Variants in MSH5 observed in about 807,000 individuals in gnomAD.
The protein encoded by MSH5 is mutS protein homolog 5.
MSH5 carries 78 observed loss-of-function variants against 107.7 expected under a neutral mutation model. The observed-to-expected ratio is 0.72, with a 90% CI of 0.60 to 0.87. MSH5 has a LOEUF of 0.87. Among genes scored for constraint, MSH5 ranks in the 40% least tolerant of loss-of-function variants. The pLI, the probability that MSH5 is intolerant of heterozygous loss-of-function variation, is 0.00. For missense variants in MSH5, 889 were observed against 1,046.6 expected (o/e 0.85, Z 2.08); for synonymous variants, 326 against 399.5 (o/e 0.82, Z 2.19).
intron 5 of MSH5, 56 bp from the exon 6 acceptor site, chr6:31,743,848 T>C: frequency 6.3e-7 from 1 of 1,592,684 alleles, no homozygotes; most frequent in Non-Finnish European, 8.5e-7. Flanking sequence ...ATTCTTAAAA[T>C]GGGGTGAAAA....
At position 31,758,558 on chromosome 6, in the gene MSH5, A is replaced by G. The variant is rs748346009; in HGVS notation, c.1154A>G (p.Glu385Gly). 1 of 1,613,368 alleles carries G rather than the reference A, an allele frequency of 6.2e-7. No homozygotes were observed. Among genetic ancestry groups the G allele is most frequent in the African/African-American group, 1.3e-5 (1 of 74,912 alleles). ...TACTTATCTCCTCAGGTGGACTTTGAGGGCAGCCTTGCTGAAAATCGCTTC... is the reference window on the plus strand; with the variant it reads ...TACTTATCTCCTCAGGTGGACTTTGGGGGCAGCCTTGCTGAAAATCGCTTC... ...ASLIGKVVDF[E>G]GSLAENRFTV... The change falls in exon 14 of 25, where the codon GAG becomes GGG. Residue 385 changes from glutamate to glycine, a missense_variant. Transcript: ENST00000375750. The surrounding 1 kb of genome is among the most constrained non-coding windows in gnomAD (Gnocchi z 5.1).
intron 10 of MSH5, among the ~76,000 whole-genome samples, chr6:31,750,158 TGAA>T: frequency 6.6e-6 from 1 of 152,312 alleles, no homozygotes; most frequent in Middle Eastern, 3.4e-3. Flanking sequence ...TCATATAACT[TGAA>T]GAATCATCAT....
chr6:31,755,101 C>T (rs975114352), intron 12 of MSH5, among the ~76,000 whole-genome samples: 8 of 152,020 alleles, frequency 5.3e-5, no homozygotes, highest in Non-Finnish European at 1.2e-4. Context: ...AAAAGAATAA[C>T]AGTATTGTTA....
Position 31,741,336 on chromosome 6 carries a change from T to TACACAC in MSH5, c.271+92_271+97dup, listed in dbSNP as rs9279401. On this transcript the variant is annotated intron_variant, in intron 3 of 24. Transcript: ENST00000375750. ...CTGCTCTCTGGGATTGCAGATGTGTTACACACACACACACACACACACACA... is the reference window on the plus strand; with the variant it reads ...CTGCTCTCTGGGATTGCAGATGTGTTACACACACACACACACACACACACACACACA... 1,193 of 897,264 alleles carry TACACAC rather than the reference T, an allele frequency of 1.3e-3. 11 individuals carry two copies. Among genetic ancestry groups the TACACAC allele is most frequent in the East Asian group, 9.7e-3 (283 of 29,056 alleles). The allele number at this position is 897,264 out of a possible 1,614,324, so 55.6% of individuals were successfully genotyped here.
In MSH5 at chr6:31,758,198, T is replaced by G; in HGVS notation, c.1048T>G (p.Cys350Gly). The G allele has an allele frequency of 6.2e-7, 1 of 1,613,036 alleles. No homozygotes were observed. ...CAGTGCCCTGGGCCTGAGGGATGCCTGCCGCTCCCTGCCGCAGTCCATCCA... is the reference window on the plus strand; with the variant it reads ...CAGTGCCCTGGGCCTGAGGGATGCCGGCCGCTCCCTGCCGCAGTCCATCCA... ...VYSALGLRDA[C>G]RSLPQSIQLF... Residue 350 changes from cysteine to glycine, a missense_variant, in exon 13 of 25, where the codon TGC becomes GGC. This residue lies in a region of MSH5 where 518 missense variants were observed against 565.0 expected (regional missense o/e 0.92). Coordinates refer to ENST00000375750, the MANE Select transcript of MSH5 (RefSeq NM_172166.4). The surrounding 1 kb of genome is among the most constrained non-coding windows in gnomAD (Gnocchi z 5.1).
chr6:31,752,061 T>C (rs963174725), intron 10 of MSH5, among the ~76,000 whole-genome samples: 1 of 152,140 alleles, frequency 6.6e-6, no homozygotes, highest in Non-Finnish European at 1.5e-5. Context: ...ATCCCGCCAC[T>C]GTACCCTAGC....
chr6:31,741,723 T>A (rs1448270170), intron 3 of MSH5, among the ~76,000 whole-genome samples: 2 of 151,984 alleles, frequency 1.3e-5, no homozygotes, highest in Non-Finnish European at 1.5e-5. Flanking sequence ...CTAGCATATT[T>A]TGTGTTGCTG....
chr6:31,754,753 C>CTTTTTTTTTT (rs71552080), intron 12 of MSH5, among the ~76,000 whole-genome samples: 1 of 135,366 alleles, frequency 7.4e-6, no homozygotes, highest in Non-Finnish European at 1.6e-5. Context: ...TTTCTTTTTT[C>CTTTTTTTTTT]TTTTTTTTTT....
At position 31,762,341 on chromosome 6, in the gene MSH5, G is replaced by A. The variant is rs986885504; in HGVS notation, c.2394-79G>A. 3 of 1,358,062 alleles carry A rather than the reference G, an allele frequency of 2.2e-6. No individual in the cohort carries two copies. The African/African-American group carries it at 4.3e-5, about 20-fold the overall frequency. The allele number at this position is 1,358,062 out of a possible 1,614,324, so 84.1% of individuals were successfully genotyped here. A position where few individuals can be genotyped will look rare whatever the true frequency, so the allele number is the denominator to read the frequency against. On this transcript the variant is annotated intron_variant, in intron 24 of 24. Coordinates refer to ENST00000375750, the MANE Select transcript of MSH5 (RefSeq NM_172166.4). ...AAATCTTCAAGATCCCAGGTTTTCT[G>A]TGCCACAGCCTCTCCCCTCTGCCCA...
At chr6:31,744,968 G>C (rs1809281717) in intron 8 of MSH5, among the ~76,000 whole-genome samples, 1 of 151,882 alleles carries the variant, frequency 6.6e-6, no homozygotes, top group South Asian at 2.1e-4. Flanking sequence ...AAATTAGCTG[G>C]GTGTGTTGTG....
Position 31,761,681 on chromosome 6 carries a change from C to A in MSH5, c.2181+66C>A. The A allele has an allele frequency of 6.2e-7, 1 of 1,613,096 alleles. No homozygotes were observed. The highest frequency in any genetic ancestry group is 8.5e-7 in the Non-Finnish European group (1 of 1,179,676). ...GGCATTTCCCAGAGGTGGGGATTGG[C>A]TCCTCTATCAGAACAAGGGCTCCCT... On this transcript the variant is annotated intron_variant, in intron 22 of 24. Transcript: ENST00000375750. This position sits in a 1 kb window ranked among gnomAD's most constrained non-coding sequence, Gnocchi z 5.3.
chr6:31,745,274 G>C lies in MSH5; in HGVS notation c.721G>C (p.Val241Leu). ...TTTTAAGAGTGAGTCTCACCCCTCAGTGTACAAAGTGGCCAGTGGACTGAA... is the reference window on the plus strand; with the variant it reads ...TTTTAAGAGTGAGTCTCACCCCTCACTGTACAAAGTGGCCAGTGGACTGAA... ...QIFKSESHPS[V>L]YKVASGLKEG... The change falls in exon 9 of 25, where the codon GTG becomes CTG. Residue 241 changes from valine to leucine, a missense_variant. Physicochemically the swap from Val to Leu is conservative, Grantham distance 32. Transcript: ENST00000375750. 2 of 1,613,734 alleles carry C rather than the reference G, an allele frequency of 1.2e-6. No homozygotes were observed. The highest frequency in any genetic ancestry group is 1.7e-6 in the Non-Finnish European group (2 of 1,179,756).
At position 31,740,496 on chromosome 6, in the gene MSH5, G is replaced by A. The variant is rs1226864690; in HGVS notation, c.30G>A (p.Arg10=). 6.4e-7 allele frequency: 1 copy of A among 1,568,844 alleles called. No homozygotes were observed. The highest frequency in any genetic ancestry group is 8.6e-7 in the Non-Finnish European group (1 of 1,156,548). ...CCTCCTTAGGAGCGAACCCAAGGAG[G>A]ACACCGCAGGGACCGAGACCTGGGG... The part of the protein sequence containing the change: MASLGANPR[R]TPQGPRPGAA... The change falls in exon 2 of 25, where the codon AGG becomes AGA. Residue 10 remains arginine, a synonymous_variant. Transcript: ENST00000375750. This position sits in a 1 kb window ranked among gnomAD's most constrained non-coding sequence, Gnocchi z 4.4.
intron 10 of MSH5, among the ~76,000 whole-genome samples, chr6:31,749,447 CAGG>C (rs1282969537): frequency 6.6e-6 from 1 of 151,786 alleles, no homozygotes; most frequent in African/African-American, 2.4e-5. Context: ...GAGGCTGAGG[CAGG>C]AGAATTGCTT....
In MSH5 at chr6:31,761,944, C is replaced by T. The variant is rs1811050422; in HGVS notation, c.2308C>T (p.Arg770Cys). The change falls in exon 23 of 25, where the codon CGT becomes TGT. Residue 770 changes from arginine to cysteine, a missense_variant. Arg to Cys is a radical substitution (Grantham distance 180, BLOSUM62 -3). Around this residue, in one of 3 missense-constraint regions of MSH5, gnomAD observed 362 missense variants for 456.2 expected, o/e 0.79. Transcript: ENST00000375750. The surrounding 1 kb of genome is among the most constrained non-coding windows in gnomAD (Gnocchi z 5.3). ...TGGGCTTCCTGACAAGCTTGTGGCT[C>T]GTGGCAAGGAGGTGATGAGATCCAA... ...QAGLPDKLVA[R>C]GKEVSDLIRS... The T allele has an allele frequency of 4.3e-6, 7 of 1,613,590 alleles. No homozygotes were observed. Among genetic ancestry groups the T allele is most frequent in the Admixed American group, 1.7e-5 (1 of 59,998 alleles).
rs189549193 is a variant in MSH5 at position 31,743,313 on chromosome 6, C to T, written c.415+143C>T. 2.3e-4 allele frequency: 187 copies of T among 816,246 alleles called. No individual in the cohort carries two copies. In the East Asian group the frequency reaches 4.7e-3, roughly 21 times the overall value. 50.6% of individuals were successfully genotyped at this position (816,246 alleles called of 1,614,324 possible). Reference sequence around the variant, plus strand: ...CTCCTCATGCCCTATGACCTGTCCCCCCAAGATCTCTCCTGCTCCCTACCC... The same window carrying T: ...CTCCTCATGCCCTATGACCTGTCCCTCCAAGATCTCTCCTGCTCCCTACCC... On this transcript the variant is annotated intron_variant, in intron 5 of 24. Coordinates refer to ENST00000375750, the MANE Select transcript of MSH5 (RefSeq NM_172166.4).
rs1276883225 is a variant in MSH5, at chr6:31,758,891, T to C, written c.1326+16T>C. 18 of 1,597,152 alleles carry C rather than the reference T, an allele frequency of 1.1e-5. No homozygotes were observed. Among genetic ancestry groups the C allele is most frequent in the Admixed American group, 5.0e-5 (3 of 59,926 alleles). ...CATCCCTCTGGTGAGGGCAGGAGAG[T>C]GGGTGTAGCCTTCAGATGTCTTTTG... On this transcript the variant is annotated intron_variant, in intron 15 of 24. Transcript: ENST00000375750. This position sits in a 1 kb window ranked among gnomAD's most constrained non-coding sequence, Gnocchi z 5.1.
chr6:31,759,625 C>T lies in MSH5; in HGVS notation c.1495+113C>T. On this transcript the variant is annotated intron_variant, in intron 17 of 24. Coordinates refer to ENST00000375750, the MANE Select transcript of MSH5 (RefSeq NM_172166.4). The surrounding 1 kb of genome is among the most constrained non-coding windows in gnomAD (Gnocchi z 4.7). ...TGCTTCCAACAGGCCCCTCCTCTTC[C>T]TGCTCTCTGTCTCGCTCACTCTGAC... 1.5e-6 allele frequency: 2 copies of T among 1,356,924 alleles called. No homozygotes were observed. Among genetic ancestry groups the T allele is most frequent in the Admixed American group, 3.8e-5 (2 of 53,204 alleles). 84.1% of individuals were successfully genotyped at this position (1,356,924 alleles called of 1,614,324 possible).
In MSH5 at chr6:31,742,810, C is replaced by T; in HGVS notation, c.272-67C>T. 2.7e-6 allele frequency: 4 copies of T among 1,476,414 alleles called. No individual in the cohort carries two copies. In the South Asian group the frequency reaches 4.5e-5, roughly 17 times the overall value. The allele number at this position is 1,476,414 out of a possible 1,614,324, so 91.5% of individuals were successfully genotyped here. ...AAGGAGAGGGGTAGGAAGAGGAGGG[C>T]TATGGGTTTTCTCTTAGTCAAAGAC... On this transcript the variant is annotated intron_variant, in intron 3 of 24. Coordinates refer to ENST00000375750, the MANE Select transcript of MSH5 (RefSeq NM_172166.4).
Sources: gnomAD v4.1 joint callset for allele counts (sites outside exome capture counted in the v4.1 genomes callset) on GRCh38, gnomAD v4.1.1 for gene constraint, gnomAD v4.1.1 regional missense constraint, Gnocchi (gnomAD v3.1) non-coding constraint, MANE v1.5 for transcripts, NCBI Gene and HGNC (gene_info 2026-07-23, HGNC 2026-07-21) for gene names.